The following CNTN6 variants were observed in gnomAD, a reference collection of about 807,000 sequenced individuals.
CNTN6 encodes contactin-6.
Under a neutral mutation model 122.8 loss-of-function variants are expected in CNTN6, and 137 were observed. That is an observed-to-expected ratio of 1.12 (90% confidence interval 0.97 to 1.29). CNTN6 has a LOEUF of 1.29. CNTN6 is among the 50% of genes most tolerant of loss of function. The pLI is 0.00. For synonymous variants in CNTN6, 570 were observed against 426.0 expected (o/e 1.34, Z -4.16); for missense variants, 1,634 against 1,223.4 (o/e 1.34, Z -5.01).
At chr3:1,102,416 T>A (rs989763805) in intron 1 of CNTN6, among the ~76,000 whole-genome samples, 35 of 152,192 alleles carry the variant, frequency 2.3e-4, no homozygotes, top group African/African-American at 7.5e-4. Flanking sequence ...TAATTTTCTA[T>A]CAACAGAGTT....
intron 1 of CNTN6, among the ~76,000 whole-genome samples, chr3:1,111,726 A>G (rs890318839): frequency 2.0e-5 from 3 of 152,152 alleles, no homozygotes; most frequent in African/African-American, 7.2e-5. Flanking sequence ...TCATATATTT[A>G]TTAAAGCTGG....
chr3:1,159,735 A>T (rs2093078489), intron 2 of CNTN6, among the ~76,000 whole-genome samples: 2 of 152,232 alleles, frequency 1.3e-5, no homozygotes, highest in South Asian at 4.1e-4. Flanking sequence ...GAATCACTTG[A>T]GGACATTTAA....
intron 5 of CNTN6, among the ~76,000 whole-genome samples, chr3:1,283,681 A>G (rs1448140784): frequency 1.3e-5 from 2 of 152,166 alleles, no homozygotes; most frequent in Non-Finnish European, 2.9e-5. Flanking sequence ...AAAGTAAAGA[A>G]CACTCTTTCC....
intron 20 of CNTN6, among the ~76,000 whole-genome samples, chr3:1,398,102 A>G (rs894092459): frequency 2.0e-5 from 3 of 151,850 alleles, no homozygotes; most frequent in Non-Finnish European, 4.4e-5. Flanking sequence ...TGAGTTTACC[A>G]TTGACAGACT....
At chr3:1,215,007 T>A (rs1228252821) in intron 2 of CNTN6, among the ~76,000 whole-genome samples, 4 of 152,114 alleles carry the variant, frequency 2.6e-5, no homozygotes, top group Admixed American at 1.3e-4. Context: ...GATCCTTCTG[T>A]CTTGATCTCT....
chr3:1,334,141 C>T (rs574977499), intron 11 of CNTN6, among the ~76,000 whole-genome samples: 22 of 152,244 alleles, frequency 1.4e-4, no homozygotes, highest in African/African-American at 4.8e-4. Context: ...GATGGCATTA[C>T]AGAGTCCGAA....
intron 2 of CNTN6, chr3:1,173,415 T>G: frequency 2.6e-6 from 1 of 382,998 alleles, no homozygotes; most frequent in Non-Finnish European, 5.2e-6. Context: ...TTATTTCATT[T>G]AATCCTCAGA....
chr3:1,384,582 T>G (rs2126187188), intron 19 of CNTN6, among the ~76,000 whole-genome samples: 1 of 151,660 alleles, frequency 6.6e-6, no homozygotes. Context: ...ACTTGCAAAT[T>G]CAGTGATTCA....
At chr3:1,183,107 C>T (rs1412690865) in intron 2 of CNTN6, among the ~76,000 whole-genome samples, 4 of 151,970 alleles carry the variant, frequency 2.6e-5, no homozygotes, top group South Asian at 2.1e-4. Context: ...ATGAACTGTC[C>T]GGTATACGAA....
rs74368984 is a variant in CNTN6 at position 1,347,891 on chromosome 3, A to C, written c.1365-4433A>C. On this transcript the variant is annotated intron_variant, in intron 11 of 22. Coordinates refer to ENST00000446702, the MANE Select transcript of CNTN6 (RefSeq NM_001289080.2). ...CTGAGGACAGTTTTGCTGGCATTAG[A>C]CTCCTTTCGAAAAGCCCAGATATAG... 2.5e-3 allele frequency among the ~76,000 whole-genome samples: 387 copies of C among 151,890 alleles called. 2 individuals are homozygous for C. The highest frequency in any genetic ancestry group is 8.8e-3 in the African/African-American group (366 of 41,428).
chr3:1,195,574 G>C (rs973126220), intron 2 of CNTN6, among the ~76,000 whole-genome samples: 5 of 151,804 alleles, frequency 3.3e-5, no homozygotes, highest in Non-Finnish European at 7.4e-5. Context: ...TTCTTTTCTG[G>C]GTCTATACAG....
At chr3:1,302,149 G>T (rs1452424278) in intron 7 of CNTN6, among the ~76,000 whole-genome samples, 1 of 152,160 alleles carries the variant, frequency 6.6e-6, no homozygotes, top group Non-Finnish European at 1.5e-5. Flanking sequence ...TTGTAAGTTT[G>T]TTGCCAAGTG....
At chr3:1,309,097 C>G (rs535569611) in intron 7 of CNTN6, among the ~76,000 whole-genome samples, 1 of 152,178 alleles carries the variant, frequency 6.6e-6, no homozygotes, top group South Asian at 2.1e-4. Flanking sequence ...TTTGCATTTC[C>G]TTAACAATGT....
chr3:1,192,675 A>G (rs2093719326), intron 2 of CNTN6, among the ~76,000 whole-genome samples: 1 of 152,064 alleles, frequency 6.6e-6, no homozygotes, highest in African/African-American at 2.4e-5. Context: ...TGTGCACCCC[A>G]ACAACAAAGA....
At chr3:1,368,698 C>T (rs1172373878) in intron 12 of CNTN6, among the ~76,000 whole-genome samples, 1 of 151,712 alleles carries the variant, frequency 6.6e-6, no homozygotes, top group African/African-American at 2.4e-5. Flanking sequence ...AAGATATAAC[C>T]TCAATAAAGT....
chr3:1,190,799 G>C (rs1451948984), intron 2 of CNTN6, among the ~76,000 whole-genome samples: 1 of 152,038 alleles, frequency 6.6e-6, no homozygotes, highest in Non-Finnish European at 1.5e-5. Flanking sequence ...TCACTATCTA[G>C]GGATCCCCTT....
chr3:1,163,214 C>T (rs2093174135), intron 2 of CNTN6, among the ~76,000 whole-genome samples: 1 of 152,168 alleles, frequency 6.6e-6, no homozygotes, highest in Non-Finnish European at 1.5e-5. Context: ...ATTTATCCAT[C>T]TTATGCTATT....
At chr3:1,392,331 G>A (rs1194502228) in intron 20 of CNTN6, among the ~76,000 whole-genome samples, 2 of 152,134 alleles carry the variant, frequency 1.3e-5, no homozygotes, top group African/African-American at 2.4e-5. Flanking sequence ...AATAAATGGT[G>A]CTGGGAAAAC....
intron 7 of CNTN6, among the ~76,000 whole-genome samples, chr3:1,305,004 A>AAAAG (rs1698121380): frequency 6.6e-6 from 1 of 150,944 alleles, no homozygotes; most frequent in South Asian, 2.1e-4. Flanking sequence ...AAAAAAAAAA[A>AAAAG]CAAAATTCAA....
Sources: gnomAD v4.1 joint callset for allele counts (sites outside exome capture counted in the v4.1 genomes callset) on GRCh38, gnomAD v4.1.1 for gene constraint, MANE v1.5 for transcripts, NCBI Gene and HGNC (gene_info 2026-07-23, HGNC 2026-07-21) for gene names.